The following MEI4 variants were observed in gnomAD, a reference collection of about 807,000 sequenced individuals.
The protein encoded by MEI4 is meiotic double-stranded break formation protein 4.
Under a neutral mutation model 31.4 loss-of-function variants are expected in MEI4, and 27 were observed. The ratio of observed to expected loss-of-function variants is 0.86; its 90% CI spans 0.63 to 1.19. The LOEUF (loss-of-function observed/expected upper bound fraction) is 1.19, where lower values mean the gene tolerates loss of function less well. MEI4 is among the 50% of genes most tolerant of loss of function. The pLI, the probability that MEI4 is intolerant of heterozygous loss-of-function variation, is 0.00. For synonymous variants in MEI4, 122 were observed against 145.4 expected (o/e 0.84, Z 1.16); for missense variants, 329 against 398.9 (o/e 0.82, Z 1.49).
upstream of MEI4, among the ~76,000 whole-genome samples, chr6:77,652,346 G>A (rs1176716384): frequency 1.3e-5 from 2 of 152,140 alleles, no homozygotes; most frequent in Non-Finnish European, 2.9e-5. Context: ...TGCTCGTCAG[G>A]GTCAAATACT....
At chr6:77,868,438 C>T (rs990424773) in intron 4 of MEI4, among the ~76,000 whole-genome samples, 3 of 139,422 alleles carry the variant, frequency 2.2e-5, no homozygotes, top group Admixed American at 7.8e-5. Context: ...TGCAGAGCTT[C>T]TGTGAACAGA....
At chr6:77,708,846 C>T (rs1766391368) in intron 2 of MEI4, among the ~76,000 whole-genome samples, 1 of 152,174 alleles carries the variant, frequency 6.6e-6, no homozygotes, top group South Asian at 2.1e-4. Context: ...GTTCCTGAGG[C>T]CCTCAACAGA....
At chr6:77,727,990 T>G (rs1766869585) in intron 2 of MEI4, among the ~76,000 whole-genome samples, 1 of 152,192 alleles carries the variant, frequency 6.6e-6, no homozygotes, top group African/African-American at 2.4e-5. Flanking sequence ...GCAGAGACTG[T>G]AATTGTAAGA....
At chr6:77,728,986 G>C (rs1216080315) in intron 2 of MEI4, among the ~76,000 whole-genome samples, 2 of 152,198 alleles carry the variant, frequency 1.3e-5, no homozygotes, top group Non-Finnish European at 2.9e-5. Context: ...TTTAGCATAA[G>C]GTGGGATCGG....
At chr6:77,659,945 T>C (rs1309343778) in intron 1 of MEI4, among the ~76,000 whole-genome samples, 6 of 152,144 alleles carry the variant, frequency 3.9e-5, no homozygotes, top group Non-Finnish European at 7.3e-5. Flanking sequence ...GTAGAGTTAA[T>C]ATAAGGAGAA....
At chr6:77,679,287 A>G (rs1044510717) in intron 1 of MEI4, among the ~76,000 whole-genome samples, 2 of 152,224 alleles carry the variant, frequency 1.3e-5, no homozygotes, top group African/African-American at 4.8e-5. Flanking sequence ...CCAGACATGT[A>G]AGAACAATTC....
intron 4 of MEI4, among the ~76,000 whole-genome samples, chr6:77,917,395 A>G (rs1766586395): frequency 1.3e-5 from 2 of 150,976 alleles, no homozygotes; most frequent in Non-Finnish European, 2.9e-5. Flanking sequence ...CAACAGTGTA[A>G]AAGTGTTCCT....
intron 4 of MEI4, among the ~76,000 whole-genome samples, chr6:77,909,706 C>T (rs373963051): frequency 1.3e-5 from 2 of 152,112 alleles, no homozygotes; most frequent in South Asian, 2.1e-4. Context: ...TAACTCATTT[C>T]ATGAGGCCAG....
chr6:77,774,942 TC>T (rs1768401305), intron 3 of MEI4, among the ~76,000 whole-genome samples: 2 of 152,076 alleles, frequency 1.3e-5, no homozygotes, highest in South Asian at 4.1e-4. Flanking sequence ...CCACATATCT[TC>T]CTGTAGCATG....
chr6:77,906,504 G>A (rs962990074), intron 4 of MEI4, among the ~76,000 whole-genome samples: 4 of 152,186 alleles, frequency 2.6e-5, no homozygotes, highest in African/African-American at 9.6e-5. Flanking sequence ...CTACAGTTGT[G>A]ATGAGAATTG....
intron 2 of MEI4, among the ~76,000 whole-genome samples, chr6:77,748,368 C>A (rs1320898693): frequency 1.3e-5 from 2 of 152,246 alleles, no homozygotes; most frequent in Non-Finnish European, 2.9e-5. Flanking sequence ...TGTGCAACTG[C>A]AGGCCCAACA....
chr6:77,920,232 T>G (rs535823890), intron 4 of MEI4, among the ~76,000 whole-genome samples: 173 of 152,056 alleles, frequency 1.1e-3, no homozygotes, highest in Admixed American at 2.3e-3. Context: ...TTGATGAACA[T>G]TGATGCAAAA....
chr6:77,869,931 G>T (rs1771151175), intron 4 of MEI4, among the ~76,000 whole-genome samples: 1 of 152,126 alleles, frequency 6.6e-6, no homozygotes, highest in African/African-American at 2.4e-5. Flanking sequence ...GAAGTATAGA[G>T]ATGTACTGAG....
At chr6:77,887,265 A>C (rs777409760) in intron 4 of MEI4, among the ~76,000 whole-genome samples, 1 of 151,036 alleles carries the variant, frequency 6.6e-6, no homozygotes, top group Non-Finnish European at 1.5e-5. Flanking sequence ...ACAATTTCCA[A>C]ATATCCTCTT....
At chr6:77,745,778 C>T (rs1767581993) in intron 2 of MEI4, among the ~76,000 whole-genome samples, 1 of 152,162 alleles carries the variant, frequency 6.6e-6, no homozygotes, top group African/African-American at 2.4e-5. Flanking sequence ...CTCTCTCAGA[C>T]CACAGTGCAA....
At chr6:77,776,371 T>C (rs1011623845) in intron 3 of MEI4, among the ~76,000 whole-genome samples, 4 of 152,244 alleles carry the variant, frequency 2.6e-5, no homozygotes, top group Middle Eastern at 6.8e-3. Flanking sequence ...AAATAGGCCA[T>C]GCCGCTACCC....
Position 77,847,518 on chromosome 6 carries a change from T to TA in MEI4, c.900+18457dup, listed in dbSNP as rs1770517821. On this transcript the variant is annotated intron_variant, in intron 4 of 4. Transcript: ENST00000684080. This position sits in a 1 kb window ranked among gnomAD's most constrained non-coding sequence, Gnocchi z 4.6. ...AAATATCAAATGCATTTCAATAATA[T>TA]ACCTTTACTGATTGTTTTTCTCTTG... Among the ~76,000 whole-genome samples, 2 of 152,120 alleles carry TA rather than the reference T, an allele frequency of 1.3e-5. No homozygotes were observed.
intron 1 of MEI4, among the ~76,000 whole-genome samples, chr6:77,684,529 T>C (rs547505462): frequency 1.5e-4 from 23 of 152,140 alleles, no homozygotes; most frequent in African/African-American, 4.3e-4. Flanking sequence ...CTGGTAACCA[T>C]CCTTCTACTC....
At chr6:77,730,755 C>T (rs1330514782) in intron 2 of MEI4, among the ~76,000 whole-genome samples, 1 of 151,702 alleles carries the variant, frequency 6.6e-6, no homozygotes, top group Non-Finnish European at 1.5e-5. Flanking sequence ...TTAGGTGTAT[C>T]TCCCAGTGCT....
Sources: gnomAD v4.1 joint callset for allele counts (sites outside exome capture counted in the v4.1 genomes callset) on GRCh38, gnomAD v4.1.1 for gene constraint, Gnocchi (gnomAD v3.1) non-coding constraint, MANE v1.5 for transcripts, NCBI Gene and HGNC (gene_info 2026-07-23, HGNC 2026-07-21) for gene names.